UBE2N: variants seen among roughly 807,000 people sequenced by gnomAD.
The protein encoded by UBE2N is ubiquitin-conjugating enzyme E2 N.
For missense variants in UBE2N, 60 were observed against 192.1 expected (o/e 0.31, Z 4.07); for synonymous variants, 70 against 69.2 (o/e 1.01, Z -0.06).
At position 93,406,001 on chromosome 12, in the gene UBE2N, C is replaced by T. The variant is rs1045770014; in HGVS notation, c.*4038G>A. ...GATGTGGCAGGGCTGGGCACGGTGG[C>T]TCACGCCTGTAATCCCAGCACTTTG... On this transcript the variant is annotated 3_prime_UTR_variant, in exon 4 of 4. Transcript: ENST00000318066. The T allele has an allele frequency of 6.6e-6, 1 of 152,128 alleles. No individual in the cohort carries two copies. Among genetic ancestry groups the T allele is most frequent in the Admixed American group, 6.5e-5 (1 of 15,280 alleles). The allele number at this position is 152,128 out of a possible 1,614,324, so 9.4% of individuals were successfully genotyped here. A position where few individuals can be genotyped will look rare whatever the true frequency, so the allele number is the denominator to read the frequency against.
At chr12:93,427,298 AC>A (rs1565796198) in intron 1 of UBE2N, among the ~76,000 whole-genome samples, 1 of 152,230 alleles carries the variant, frequency 6.6e-6, no homozygotes, top group African/African-American at 2.4e-5. Context: ...TGCAGGCTTC[AC>A]ATGTGACTAG....
chr12:93,439,831 T>A (rs181593011), intron 1 of UBE2N, among the ~76,000 whole-genome samples: 2 of 152,294 alleles, frequency 1.3e-5, no homozygotes, highest in Admixed American at 1.3e-4. Flanking sequence ...GTGTCATTCA[T>A]TAGATAGATG....
chr12:93,432,860 A>G (rs1878811345), intron 1 of UBE2N, among the ~76,000 whole-genome samples: 1 of 152,086 alleles, frequency 6.6e-6, no homozygotes, highest in Non-Finnish European at 1.5e-5. Context: ...GAAGCATCTC[A>G]GTTACTGGCC....
chr12:93,422,898 A>G (rs575675511), intron 1 of UBE2N, among the ~76,000 whole-genome samples: 226 of 152,284 alleles, frequency 1.5e-3, no homozygotes, highest in Non-Finnish European at 2.5e-3. Context: ...GAGCTGGGAG[A>G]TAAGAAAATT....
At chr12:93,416,025 C>T (rs777385257) in intron 1 of UBE2N, among the ~76,000 whole-genome samples, 3 of 152,210 alleles carry the variant, frequency 2.0e-5, no homozygotes, top group Non-Finnish European at 4.4e-5. Context: ...AATTGGAACA[C>T]ATTCTAAAAT....
intron 1 of UBE2N, among the ~76,000 whole-genome samples, chr12:93,414,320 A>G (rs1044886088): frequency 4.2e-5 from 6 of 142,174 alleles, no homozygotes; most frequent in East Asian, 4.3e-4. Flanking sequence ...ATGGTGGCGC[A>G]TGCCTGTAAT....
rs11558876 is a variant in UBE2N at position 93,411,193 on chromosome 12, G to A, written c.137C>T (p.Pro46Leu). ...AAGTTTAAAAGTCCCTCCCTCAAAG[G>A]GGGAATCCTGAGGGCCAGCAATGAC... ...HVVIAGPQDS[P>L]FEGGTFKLEL... Residue 46 changes from proline (P) to leucine (L), a missense_variant, in exon 2 of 4, where the codon CCC (proline) becomes CTC (leucine). Physicochemically the swap from Pro to Leu is moderately conservative, Grantham distance 98 (BLOSUM62 -3). Coordinates refer to ENST00000318066, the MANE Select transcript of UBE2N (RefSeq NM_003348.4). 6.2e-7 allele frequency: 1 copy of A among 1,614,080 alleles called. No homozygotes were observed. The highest frequency in any genetic ancestry group is 8.5e-7 in the Non-Finnish European group (1 of 1,180,048).
At chr12:93,423,621 A>G (rs1285471502) in intron 1 of UBE2N, among the ~76,000 whole-genome samples, 3 of 152,194 alleles carry the variant, frequency 2.0e-5, no homozygotes, top group Admixed American at 1.3e-4. Flanking sequence ...TTTAATTCCA[A>G]TTTTAATTGT....
intron 1 of UBE2N, among the ~76,000 whole-genome samples, chr12:93,411,842 C>T (rs1392796248): frequency 6.6e-5 from 10 of 152,044 alleles, no homozygotes; most frequent in Middle Eastern, 3.4e-3. Context: ...TACAGGTGTG[C>T]GCCACCACAC....
At position 93,407,958 on chromosome 12, in the gene UBE2N, T is replaced by C. The variant is rs1877907312; in HGVS notation, c.*2081A>G. The C allele has an allele frequency of 6.6e-6, 1 of 152,224 alleles. No individual in the cohort carries two copies. Among genetic ancestry groups the C allele is most frequent in the Non-Finnish European group, 1.5e-5 (1 of 68,046 alleles). The allele number at this position is 152,224 out of a possible 1,614,324, so 9.4% of individuals were successfully genotyped here. ...ACCATGAAATTAGAAATTCACTGCA[T>C]TTGAAATGAAAATGACTTATTTCTG... On this transcript the variant is annotated 3_prime_UTR_variant, in exon 4 of 4. Coordinates refer to ENST00000318066, the MANE Select transcript of UBE2N (RefSeq NM_003348.4).
intron 1 of UBE2N, among the ~76,000 whole-genome samples, chr12:93,435,106 A>G (rs1037559806): frequency 3.3e-5 from 5 of 152,088 alleles, no homozygotes; most frequent in Non-Finnish European, 7.4e-5. Flanking sequence ...TATTTCTGAA[A>G]CATCATGGTA....
In UBE2N at chr12:93,406,211, T is replaced by C. The variant is rs1238265934; in HGVS notation, c.*3828A>G. ...TGAACGCGGGAGGCAGAACCTGCAG[T>C]GAGCCAAGATCATGCCACAGCACTC... On this transcript the variant is annotated 3_prime_UTR_variant, in exon 4 of 4. Transcript: ENST00000318066. 7.7e-6 allele frequency: 1 copy of C among 129,662 alleles called. No homozygotes were observed. Among genetic ancestry groups the C allele is most frequent in the East Asian group, 2.4e-4 (1 of 4,240 alleles). The allele number at this position is 129,662 out of a possible 1,614,324, so 8.0% of individuals were successfully genotyped here. A position where few individuals can be genotyped will look rare whatever the true frequency, so the allele number is the denominator to read the frequency against.
intron 1 of UBE2N, among the ~76,000 whole-genome samples, chr12:93,426,228 C>T (rs1878578348): frequency 6.6e-6 from 1 of 151,992 alleles, no homozygotes; most frequent in Non-Finnish European, 1.5e-5. Flanking sequence ...TGATGTATTA[C>T]AATAGAGTAC....
chr12:93,410,650 T>A, intron 3 of UBE2N, 84 bp downstream of exon 3: 1 of 1,560,248 alleles, frequency 6.4e-7, no homozygotes, highest in Non-Finnish European at 8.7e-7. Context: ...TTTCTTTTCC[T>A]TGCCAAGAGC....
At chr12:93,436,663 T>C (rs1878942866) in intron 1 of UBE2N, among the ~76,000 whole-genome samples, 1 of 152,086 alleles carries the variant, frequency 6.6e-6, no homozygotes, top group African/African-American at 2.4e-5. Context: ...GATCTCACTA[T>C]GTTCCTCAGG....
At chr12:93,416,690 G>A (rs1565792878) in intron 1 of UBE2N, among the ~76,000 whole-genome samples, 3 of 151,630 alleles carry the variant, frequency 2.0e-5, no homozygotes, top group Non-Finnish European at 2.9e-5. Flanking sequence ...GAGGCACCAC[G>A]CCCGGCCTTA....
chr12:93,426,200 A>T (rs1453637875), intron 1 of UBE2N, among the ~76,000 whole-genome samples: 3 of 152,192 alleles, frequency 2.0e-5, no homozygotes, highest in African/African-American at 7.2e-5. Flanking sequence ...AAATAAGCAC[A>T]AACTTACACA....
chr12:93,419,981 T>C (rs147395045), intron 1 of UBE2N, among the ~76,000 whole-genome samples: 1 of 152,274 alleles, frequency 6.6e-6, no homozygotes, highest in African/African-American at 2.4e-5. Flanking sequence ...TTCCTGAAAA[T>C]GCCTATCCTA....
chr12:93,428,239 AAT>A (rs933607018), intron 1 of UBE2N, among the ~76,000 whole-genome samples: 1 of 152,130 alleles, frequency 6.6e-6, no homozygotes, highest in Non-Finnish European at 1.5e-5. Flanking sequence ...TTTAGTAATG[AAT>A]ATATATTCAT....
Sources: gnomAD v4.1 joint callset for allele counts (sites outside exome capture counted in the v4.1 genomes callset) on GRCh38, gnomAD v4.1.1 for gene constraint, MANE v1.5 for transcripts, NCBI Gene and HGNC (gene_info 2026-07-23, HGNC 2026-07-21) for gene names.